The following CSMD1 variants were observed in gnomAD, a reference collection of about 807,000 sequenced individuals.
The protein encoded by CSMD1 is CUB and Sushi multiple domains 1.
In CSMD1, 213 loss-of-function variants were observed where a neutral mutation model predicts 417.5. The observed-to-expected ratio is 0.51, with a 90% CI of 0.46 to 0.57. The LOEUF (loss-of-function observed/expected upper bound fraction) is 0.57, where lower values mean the gene tolerates loss of function less well. Among genes scored for constraint, CSMD1 ranks in the 20% least tolerant of loss-of-function variants. The pLI, the probability that CSMD1 is intolerant of heterozygous loss-of-function variation, is 0.00. For synonymous variants in CSMD1, 2,862 were observed against 1,736.8 expected (o/e 1.65, Z -16.11); for missense variants, 6,923 against 4,529.7 (o/e 1.53, Z -15.17).
chr8:3,946,104 T>C (rs1811206528), intron 5 of CSMD1, among the ~76,000 whole-genome samples: 1 of 152,158 alleles, frequency 6.6e-6, no homozygotes, highest in East Asian at 1.9e-4. Flanking sequence ...CTTTATCGCT[T>C]GCACCTTGGA....
chr8:3,707,407 G>A (rs1247783800), intron 7 of CSMD1, among the ~76,000 whole-genome samples: 4 of 152,210 alleles, frequency 2.6e-5, no homozygotes, highest in South Asian at 2.1e-4. Context: ...GGGGACAGGC[G>A]CACCCACAGA....
intron 7 of CSMD1, among the ~76,000 whole-genome samples, chr8:3,673,948 T>C (rs542667709): frequency 9.2e-5 from 14 of 152,074 alleles, no homozygotes; most frequent in African/African-American, 3.1e-4. Flanking sequence ...CACAATCATG[T>C]CTCTAATCCA....
intron 1 of CSMD1, among the ~76,000 whole-genome samples, chr8:4,983,355 T>C (rs901037930): frequency 1.3e-5 from 2 of 152,172 alleles, no homozygotes; most frequent in African/African-American, 4.8e-5. Context: ...ATCAAGTATA[T>C]TACATAGACT....
chr8:3,966,861 T>A (rs754312898), intron 5 of CSMD1, among the ~76,000 whole-genome samples: 1 of 152,248 alleles, frequency 6.6e-6, no homozygotes, highest in Non-Finnish European at 1.5e-5. Context: ...TCTATTATGC[T>A]GCATACAACA....
At chr8:4,303,333 G>C (rs913446709) in intron 3 of CSMD1, among the ~76,000 whole-genome samples, 1 of 151,002 alleles carries the variant, frequency 6.6e-6, no homozygotes, top group African/African-American at 2.4e-5. Context: ...ATTAAAGGAA[G>C]CAAAAATTAG....
At chr8:4,703,985 C>G (rs958669757) in intron 1 of CSMD1, among the ~76,000 whole-genome samples, 1 of 152,150 alleles carries the variant, frequency 6.6e-6, no homozygotes, top group Non-Finnish European at 1.5e-5. Context: ...CAGTAGGTTT[C>G]ATGCTATGAG....
At chr8:3,719,439 A>G (rs1188907990) in intron 6 of CSMD1, among the ~76,000 whole-genome samples, 2 of 152,214 alleles carry the variant, frequency 1.3e-5, no homozygotes, top group Non-Finnish European at 2.9e-5. Context: ...TTCCAGGCAC[A>G]TAATGCAGAA....
chr8:3,311,472 A>G (rs569164744), intron 23 of CSMD1, among the ~76,000 whole-genome samples: 1 of 145,402 alleles, frequency 6.9e-6, no homozygotes, highest in Non-Finnish European at 1.5e-5. Context: ...CTTGTCTCAA[A>G]CTCCTGACCT....
chr8:3,391,120 C>A (rs1034197821), intron 17 of CSMD1, among the ~76,000 whole-genome samples: 1 of 152,132 alleles, frequency 6.6e-6, no homozygotes, highest in Admixed American at 6.5e-5. Flanking sequence ...ACCATTACAT[C>A]CCGACCACTC....
chr8:4,607,344 A>G, intron 2 of CSMD1, among the ~76,000 whole-genome samples: 1 of 152,106 alleles, frequency 6.6e-6, no homozygotes, highest in South Asian at 2.1e-4. Context: ...AGTGCGGGGG[A>G]CGGGCTATTG....
chr8:3,274,822 CT>C (rs1802149510), intron 26 of CSMD1, among the ~76,000 whole-genome samples: 2 of 152,124 alleles, frequency 1.3e-5, no homozygotes, highest in African/African-American at 4.8e-5. Flanking sequence ...CTATGTGTGT[CT>C]GTACCCGTGA....
intron 3 of CSMD1, among the ~76,000 whole-genome samples, chr8:4,146,906 C>A (rs1262006294): frequency 6.9e-6 from 1 of 144,350 alleles, no homozygotes; most frequent in Admixed American, 6.7e-5. Flanking sequence ...AGCCACCGCA[C>A]CGGCCAGACA....
intron 31 of CSMD1, 34 bp from the exon 32 acceptor site, chr8:3,201,759 T>C (rs1202696112): frequency 4.5e-6 from 6 of 1,327,888 alleles, no homozygotes; most frequent in Non-Finnish European, 1.1e-6. Context: ...TGGCACAAGA[T>C]GCTCTAAGAA....
intron 7 of CSMD1, among the ~76,000 whole-genome samples, chr8:3,617,269 T>C (rs535801683): frequency 6.6e-6 from 1 of 152,212 alleles, no homozygotes; most frequent in Non-Finnish European, 1.5e-5. Context: ...GTGCTTATCA[T>C]TGAACTAAAA....
chr8:4,110,669 G>T (rs1430453388), intron 3 of CSMD1, among the ~76,000 whole-genome samples: 1 of 151,734 alleles, frequency 6.6e-6, no homozygotes, highest in South Asian at 2.1e-4. Context: ...TTTCTATAAA[G>T]TTACCTAAGA....
chr8:4,251,275 A>T (rs190566299), intron 3 of CSMD1, among the ~76,000 whole-genome samples: 524 of 152,026 alleles, frequency 3.4e-3, no homozygotes, highest in Non-Finnish European at 5.6e-3. Context: ...AAGGCTTTTT[A>T]AAAAAAATGT....
rs369800845 is a variant in CSMD1, at chr8:3,613,997, A to G, written c.1097+2713T>C. ...AATCCTTTTATTTGTAGATAACAAA[A>G]TCACCTAGGGAGAAAGTTCTAGGAA... On this transcript the variant is annotated intron_variant, in intron 8 of 69. Transcript: ENST00000635120. Among the ~76,000 whole-genome samples, 13 of 152,064 alleles carry G rather than the reference A, an allele frequency of 8.5e-5. No homozygotes were observed. The South Asian group carries it at 2.5e-3, about 29-fold the overall frequency.
intron 1 of CSMD1, among the ~76,000 whole-genome samples, chr8:4,765,889 C>A (rs4380961): frequency 0.092 from 13,942 of 152,226 alleles, 847 homozygotes; most frequent in Non-Finnish European, 0.13. Context: ...TGTTGATTTA[C>A]AAACATTTAT....
intron 26 of CSMD1, among the ~76,000 whole-genome samples, chr8:3,257,361 T>A (rs2117067994): frequency 6.6e-6 from 1 of 152,344 alleles, no homozygotes; most frequent in Non-Finnish European, 1.5e-5. Flanking sequence ...CTACTGCATG[T>A]CAGTTCTACT....
Sources: gnomAD v4.1 joint callset for allele counts (sites outside exome capture counted in the v4.1 genomes callset) on GRCh38, gnomAD v4.1.1 for gene constraint, MANE v1.5 for transcripts, NCBI Gene and HGNC (gene_info 2026-07-23, HGNC 2026-07-21) for gene names.